The following RIN2 variants were observed in gnomAD, a reference collection of about 807,000 sequenced individuals.
RIN2 encodes Ras and Rab interactor 2.
In RIN2, 36 loss-of-function variants were observed where a neutral mutation model predicts 78.0. That is an observed-to-expected ratio of 0.46 (90% CI 0.35 to 0.61). The LOEUF is 0.61. Ranked by LOEUF, RIN2 falls within the 20% of genes least tolerant of loss-of-function variation. The pLI is 0.00. For synonymous variants in RIN2, 466 were observed against 466.8 expected (o/e 1.00, Z 0.02); for missense variants, 1,087 against 1,159.7 (o/e 0.94, Z 0.91).
intron 3 of RIN2, among the ~76,000 whole-genome samples, chr20:19,929,501 A>T (rs1004659494): frequency 3.9e-5 from 6 of 152,166 alleles, no homozygotes; most frequent in African/African-American, 7.2e-5. Context: ...AGCTGGAATT[A>T]TAGGCACATG....
At chr20:19,967,741 G>A (rs1331846629) in intron 7 of RIN2, among the ~76,000 whole-genome samples, 2 of 152,130 alleles carry the variant, frequency 1.3e-5, no homozygotes, top group African/African-American at 4.8e-5. Flanking sequence ...GTGGGTCTGG[G>A]GTGGTACCTG....
chr20:19,967,426 AC>A (rs1022621164), intron 7 of RIN2, among the ~76,000 whole-genome samples: 14 of 152,226 alleles, frequency 9.2e-5, no homozygotes, highest in African/African-American at 3.1e-4. Flanking sequence ...AATATTTGTG[AC>A]ATTTTTTAGT....
intron 3 of RIN2, among the ~76,000 whole-genome samples, chr20:19,928,689 A>C (rs1221077996): frequency 2.0e-5 from 3 of 152,016 alleles, no homozygotes; most frequent in Admixed American, 6.6e-5. Flanking sequence ...ATGCAGGAGC[A>C]CTCAGGTGAA....
chr20:19,888,231 C>G (rs1311368738), intron 2 of RIN2, among the ~76,000 whole-genome samples: 1 of 152,154 alleles, frequency 6.6e-6, no homozygotes, highest in Non-Finnish European at 1.5e-5. Context: ...GTGGGATGCT[C>G]TGTGTCACTA....
intron 2 of RIN2, among the ~76,000 whole-genome samples, chr20:19,813,666 A>G (rs1287136180): frequency 6.6e-6 from 1 of 152,230 alleles, no homozygotes; most frequent in East Asian, 1.9e-4. Context: ...TAATAAATAG[A>G]CCTGTAGCTT....
Position 19,975,418 on chromosome 20 carries a change from G to T in RIN2, c.1393G>T (p.Glu465Ter). Residue 465 changes from glutamate to a stop codon, truncating the protein, a stop_gained, in exon 9 of 13, where the codon GAG (glutamate) becomes TAG (stop). Transcript: ENST00000255006. LOFTEE classifies it high-confidence loss of function. The surrounding 1 kb of genome is among the most constrained non-coding windows in gnomAD (Gnocchi z 4.9). ...ADTNSSLEDY[E>*]GESDQETMAP... is the part of the protein sequence containing the mutation. ...CACCAACAGCAGCCTGGAGGACTAC[G>T]AGGGGGAAAGTGACCAAGAGACCAT... is the stretch of plus-strand genomic sequence containing the variant. 1 of 1,614,064 alleles carries T rather than the reference G, an allele frequency of 6.2e-7. No individual in the cohort carries two copies. The highest frequency in any genetic ancestry group is 8.5e-7 in the Non-Finnish European group (1 of 1,179,906).
chr20:19,885,540 G>C (rs2038154369), intron 2 of RIN2, among the ~76,000 whole-genome samples: 2 of 94,188 alleles, frequency 2.1e-5, no homozygotes, highest in Non-Finnish European at 4.2e-5. Flanking sequence ...GATGGTGCAC[G>C]CCTGTAATCC....
At chr20:19,946,860 GTC>G (rs1464167662) in intron 4 of RIN2, among the ~76,000 whole-genome samples, 2 of 151,508 alleles carry the variant, frequency 1.3e-5, no homozygotes, top group Non-Finnish European at 2.9e-5. Flanking sequence ...GCAAAACTCT[GTC>G]TCTACTAAAA....
At position 19,829,437 on chromosome 20, in the gene RIN2, G is replaced by T. The variant is rs1486458884; in HGVS notation, c.-37+29690G>T. On this transcript the variant is annotated intron_variant, in intron 2 of 12. Coordinates refer to ENST00000255006, the MANE Select transcript of RIN2 (RefSeq NM_018993.4). ...TTCTCCCAGGGGTGAGTTCACAGGA[G>T]CAACAGAGAGCTCTAGAGTGAGGAG... Among the ~76,000 whole-genome samples the T allele has an allele frequency of 2.0e-5, 3 of 152,174 alleles. No individual in the cohort carries two copies. In the East Asian group the frequency reaches 5.8e-4, roughly 29 times the overall value.
At chr20:19,989,608 C>T (rs2146383802) in intron 9 of RIN2, among the ~76,000 whole-genome samples, 1 of 152,234 alleles carries the variant, frequency 6.6e-6, no homozygotes, top group East Asian at 1.9e-4. Flanking sequence ...GTTGAATGCT[C>T]ATTATTAGAA....
intron 3 of RIN2, among the ~76,000 whole-genome samples, chr20:19,912,012 A>G (rs928609412): frequency 6.6e-5 from 10 of 152,200 alleles, no homozygotes; most frequent in Non-Finnish European, 1.3e-4. Flanking sequence ...CTTTTAGTTC[A>G]GGTTTTACTT....
chr20:19,966,985 G>A (rs2041961490), intron 7 of RIN2, among the ~76,000 whole-genome samples: 1 of 152,110 alleles, frequency 6.6e-6, no homozygotes, highest in African/African-American at 2.4e-5. Flanking sequence ...AGCCAACCAG[G>A]TTGGAGGAGT....
chr20:19,981,351 C>A (rs375956484), intron 9 of RIN2, among the ~76,000 whole-genome samples: 1 of 152,180 alleles, frequency 6.6e-6, no homozygotes, highest in African/African-American at 2.4e-5. Context: ...TCCCAACCCC[C>A]TGACCCAGGC....
intron 3 of RIN2, among the ~76,000 whole-genome samples, chr20:19,924,225 CT>C (rs2040074723): frequency 3.6e-5 from 1 of 27,498 alleles, no homozygotes; most frequent in African/African-American, 2.5e-4. Context: ...ATACCCCCAC[CT>C]TCCATACCCC....
At chr20:19,966,618 C>T (rs528610677) in intron 7 of RIN2, among the ~76,000 whole-genome samples, 10 of 152,246 alleles carry the variant, frequency 6.6e-5, no homozygotes, top group South Asian at 4.1e-4. Flanking sequence ...GCACCATGCC[C>T]GGCCAGGAGC....
At chr20:19,892,745 T>C (rs1284298845) in intron 3 of RIN2, among the ~76,000 whole-genome samples, 1 of 152,212 alleles carries the variant, frequency 6.6e-6, no homozygotes, top group Non-Finnish European at 1.5e-5. Flanking sequence ...GTCACCAATA[T>C]TCACATGTAG....
At chr20:19,776,490 G>A (rs2034314565) in intron 1 of RIN2, among the ~76,000 whole-genome samples, 1 of 152,120 alleles carries the variant, frequency 6.6e-6, no homozygotes, top group Non-Finnish European at 1.5e-5. Flanking sequence ...CTAGCCCTTT[G>A]GGAGGCTGAG....
At chr20:19,773,627 C>T (rs530777015) in intron 1 of RIN2, among the ~76,000 whole-genome samples, 1 of 152,002 alleles carries the variant, frequency 6.6e-6, no homozygotes, top group African/African-American at 2.4e-5. Context: ...TGGTGGCGTG[C>T]TGTCTATTAG....
At chr20:19,916,663 C>T (rs1285206060) in intron 3 of RIN2, among the ~76,000 whole-genome samples, 1 of 152,192 alleles carries the variant, frequency 6.6e-6, no homozygotes, top group Non-Finnish European at 1.5e-5. Flanking sequence ...CAACAGAAAG[C>T]CCTAAAGCCA....
Sources: allele counts gnomAD v4.1 joint callset (sites outside exome capture counted in the v4.1 genomes callset), GRCh38; gene constraint gnomAD v4.1.1; non-coding constraint Gnocchi (gnomAD v3.1); transcripts MANE v1.5; gene names NCBI Gene and HGNC (gene_info 2026-07-23, HGNC 2026-07-21).